UGT1A5: variants seen among roughly 807,000 people sequenced by gnomAD.
UGT1A5 encodes UDP-glucuronosyltransferase 1A5.
UGT1A5 carries 29 observed loss-of-function variants against 40.3 expected under a neutral mutation model. The ratio of observed to expected loss-of-function variants is 0.72; its 90% CI spans 0.54 to 0.98. The LOEUF (loss-of-function observed/expected upper bound fraction) is 0.98. UGT1A5 is among the 50% of genes least tolerant of loss of function. The pLI, the probability that UGT1A5 is intolerant of heterozygous loss-of-function variation, is 0.00. For missense variants in UGT1A5, 678 were observed against 677.9 expected (o/e 1.00, Z 0.00); for synonymous variants, 257 against 262.5 (o/e 0.98, Z 0.20).
At chr2:233,760,987 G>T in intron 1 of UGT1A5, 1 of 1,614,140 alleles carries the variant, frequency 6.2e-7, no homozygotes. Context: ...TGCAACCCTT[G>T]CCTCAGAATT....
chr2:233,763,862 C>T (rs755965727), intron 1 of UGT1A5, among the ~76,000 whole-genome samples: 8 of 152,072 alleles, frequency 5.3e-5, no homozygotes, highest in South Asian at 2.1e-4. Context: ...CACAGACAAT[C>T]GCAATGCTGG....
intron 1 of UGT1A5, among the ~76,000 whole-genome samples, chr2:233,765,992 C>T (rs1575816962): frequency 6.6e-6 from 1 of 152,236 alleles, no homozygotes; most frequent in Middle Eastern, 3.4e-3. Context: ...CCTGAAGCTC[C>T]AGTGGGCGTG....
chr2:233,725,733 T>C (rs1277713269), intron 1 of UGT1A5, among the ~76,000 whole-genome samples: 1 of 152,236 alleles, frequency 6.6e-6, no homozygotes, highest in Non-Finnish European at 1.5e-5. Flanking sequence ...TGTTTACAAA[T>C]GTAAACATTG....
chr2:233,747,974 G>T lies in UGT1A5; in HGVS notation c.868-19060G>T, dbSNP rs1693825544. On this transcript the variant is annotated intron_variant, in intron 1 of 4. Coordinates refer to ENST00000373414, the MANE Select transcript of UGT1A5 (RefSeq NM_019078.2). ...TGGATCTTCTCAGCCATGCATCTGT[G>T]TGGCTGTTCCGAGGGGACTTTGTGA... 4 of 1,613,452 alleles carry T rather than the reference G, an allele frequency of 2.5e-6. No homozygotes were observed. The South Asian group carries it at 4.4e-5, about 18-fold the overall frequency.
In UGT1A5 at chr2:233,713,824, G is replaced by A. The variant is rs2076349640; in HGVS notation, c.833G>A (p.Gly278Asp). 19 of 1,614,054 alleles carry A rather than the reference G, an allele frequency of 1.2e-5. No homozygotes were observed. Among genetic ancestry groups the A allele is most frequent in the Non-Finnish European group, 1.5e-5 (18 of 1,179,972 alleles). The change falls in exon 1 of 5, where the codon GGC (glycine) becomes GAC (aspartate). Residue 278 changes from glycine (G) to aspartate (D), a missense_variant. By Grantham distance (94) the Gly-to-Asp change is moderately conservative (BLOSUM62 -1). Transcript: ENST00000373414. ...PIMPNMVFIG[G>D]INCANGKPLS... ...ATGCCCAACATGGTCTTCATTGGGG[G>A]CATCAACTGTGCCAACGGGAAGCCA...
In UGT1A5 at chr2:233,755,043, C is replaced by G. The variant is rs780933124; in HGVS notation, c.868-11991C>G. ...CTTGAAGGGCCTGCCGCCTGCGCAGCCGCCCTCCGCCCTCGCCTCGCCATA... is the reference window on the plus strand; with the variant it reads ...CTTGAAGGGCCTGCCGCCTGCGCAGGCGCCCTCCGCCCTCGCCTCGCCATA... On this transcript the variant is annotated intron_variant, in intron 1 of 4. Transcript: ENST00000373414. The G allele has an allele frequency of 9.8e-6, 13 of 1,323,836 alleles. No homozygotes were observed. In the South Asian group the frequency reaches 1.4e-4, roughly 14 times the overall value. The allele number at this position is 1,323,836 out of a possible 1,614,324, so 82.0% of individuals were successfully genotyped here. A position where few individuals can be genotyped will look rare whatever the true frequency, so the allele number is the denominator to read the frequency against.
In UGT1A5 at chr2:233,772,527, G is replaced by T; in HGVS notation, c.1573G>T (p.Val525Phe). Reference sequence around the variant, plus strand: ...GAAATGCTTGGGGAAAAAAGGGCGAGTTAAGAAAGCCCACAAATCCAAGAC... The same window carrying T: ...GAAATGCTTGGGGAAAAAAGGGCGATTTAAGAAAGCCCACAAATCCAAGAC... ...YRKCLGKKGR[V>F]KKAHKSKTH The change falls in exon 5 of 5, where the codon GTT (valine) becomes TTT (phenylalanine). Residue 525 changes from valine (V) to phenylalanine (F), a missense_variant. Transcript: ENST00000373414. 6.2e-7 allele frequency: 1 copy of T among 1,614,164 alleles called. No homozygotes were observed. Among genetic ancestry groups the T allele is most frequent in the Non-Finnish European group, 8.5e-7 (1 of 1,180,040 alleles).
intron 1 of UGT1A5, chr2:233,755,866 T>C (rs1696048647): frequency 6.6e-6 from 1 of 152,244 alleles, no homozygotes; most frequent in Non-Finnish European, 1.5e-5. Context: ...CATGACACAC[T>C]AACAAACCTT....
At chr2:233,749,106 G>A (rs2125896769) in intron 1 of UGT1A5, among the ~76,000 whole-genome samples, 1 of 151,816 alleles carries the variant, frequency 6.6e-6, no homozygotes, top group Admixed American at 6.5e-5. Context: ...AGAGAATTCA[G>A]CCTTTTTATG....
chr2:233,724,379 C>T (rs1274419342), intron 1 of UGT1A5, among the ~76,000 whole-genome samples: 6 of 145,710 alleles, frequency 4.1e-5, no homozygotes, highest in African/African-American at 7.6e-5. Flanking sequence ...GGCTGCCGGG[C>T]GGAGACGCTC....
chr2:233,754,250 G>A (rs1695430755), intron 1 of UGT1A5: 1 of 169,840 alleles, frequency 5.9e-6, no homozygotes, highest in Non-Finnish European at 1.3e-5. Flanking sequence ...TTTCCCAACG[G>A]AAAAAGGTAA....
intron 4 of UGT1A5, 146 bp from the exon 5 acceptor site, chr2:233,772,116 A>AAAC (rs1252124628): frequency 7.8e-6 from 12 of 1,531,304 alleles, no homozygotes; most frequent in South Asian, 4.9e-5. Context: ...CTGTATCTAA[A>AAAC]AACAACAACA....
chr2:233,729,525 T>C (rs763371606), intron 1 of UGT1A5: 3 of 1,614,216 alleles, frequency 1.9e-6, no homozygotes, highest in Non-Finnish European at 2.5e-6. Context: ...AGCTACTACA[T>C]AATGAGGCCC....
chr2:233,722,033 A>T (rs915638296), intron 1 of UGT1A5: 1 of 246,466 alleles, frequency 4.1e-6, no homozygotes, highest in Non-Finnish European at 8.1e-6. Flanking sequence ...CTTGAATTGC[A>T]TGATTTTGTG....
chr2:233,719,025 A>G, intron 1 of UGT1A5: 1 of 1,614,266 alleles, frequency 6.2e-7, no homozygotes, highest in Admixed American at 1.7e-5. Flanking sequence ...GAATATGCAC[A>G]TCAAAGAAGA....
intron 1 of UGT1A5, chr2:233,748,124 G>A (rs1575688214): frequency 6.2e-7 from 1 of 1,610,748 alleles, no homozygotes; most frequent in South Asian, 1.1e-5. Flanking sequence ...AGGCAAAACA[G>A]TTTTTAAAAA....
At position 233,725,224 on chromosome 2, in the gene UGT1A5, CAGAGGCAGA is replaced by C. The variant is rs1559370411; in HGVS notation, c.867+11367_867+11375del. On this transcript the variant is annotated intron_variant, in intron 1 of 4. Transcript: ENST00000373414. ...GAGGCAGAGGCAGAGGCAGAGGAGG[CAGAGGCAGA>C]GGAGGCAGAGGCAGAGGAGGCAGAG... Among the ~76,000 whole-genome samples the C allele has an allele frequency of 9.6e-4, 83 of 86,752 alleles. 33 individuals carry two copies. The highest frequency in any genetic ancestry group is 6.1e-3 in the African/African-American group (72 of 11,874). The allele number at this position is 86,752 out of a possible 152,430, so 56.9% of individuals were successfully genotyped here. A position where few individuals can be genotyped will look rare whatever the true frequency, so the allele number is the denominator to read the frequency against.
rs143254112 is a variant in UGT1A5 at position 233,713,145 on chromosome 2, C to T, written c.154C>T (p.His52Tyr). The T allele has an allele frequency of 2.8e-5, 45 of 1,614,224 alleles. No individual in the cohort carries two copies. In the African/African-American group the frequency reaches 5.5e-4, roughly 20 times the overall value. Reference sequence around the variant, plus strand: ...CATGCGGGAGGCCTTGCGGGACCTCCATGCGAGAGGCCACCAGGTGGTGGT... The same window carrying T: ...CATGCGGGAGGCCTTGCGGGACCTCTATGCGAGAGGCCACCAGGTGGTGGT... ...LSMREALRDL[H>Y]ARGHQVVVLT... The change falls in exon 1 of 5, where the codon CAT (histidine) becomes TAT (tyrosine). Residue 52 changes from histidine (H) to tyrosine (Y), a missense_variant. Coordinates refer to ENST00000373414, the MANE Select transcript of UGT1A5 (RefSeq NM_019078.2).
At position 233,769,420 on chromosome 2, in the gene UGT1A5, T is replaced by C; in HGVS notation, c.1307+981T>C. 1 of 1,459,970 alleles carries C rather than the reference T, an allele frequency of 6.8e-7. No homozygotes were observed. The highest frequency in any genetic ancestry group is 1.8e-4 in the Middle Eastern group (1 of 5,568). 90.4% of individuals were successfully genotyped at this position (1,459,970 alleles called of 1,614,324 possible). ...GCATATGTGCGTGTGCGTTTGTGCA[T>C]GTGGCTGTGCTCATGTGTGGGTGCA... is the stretch of plus-strand genomic sequence containing the variant. On this transcript the variant is annotated intron_variant, in intron 4 of 4. Coordinates refer to ENST00000373414, the MANE Select transcript of UGT1A5 (RefSeq NM_019078.2). This position sits in a 1 kb window ranked among gnomAD's most constrained non-coding sequence, Gnocchi z 4.4.
Sources: gnomAD v4.1 joint callset for allele counts (sites outside exome capture counted in the v4.1 genomes callset) on GRCh38, gnomAD v4.1.1 for gene constraint, Gnocchi (gnomAD v3.1) non-coding constraint, MANE v1.5 for transcripts, NCBI Gene and HGNC (gene_info 2026-07-23, HGNC 2026-07-21) for gene names.